The following SDK1 variants were observed in gnomAD, a reference collection of about 807,000 sequenced individuals.
SDK1 encodes the protein protein sidekick-1.
Under a neutral mutation model 245.5 loss-of-function variants are expected in SDK1, and 157 were observed. The observed-to-expected ratio is 0.64, with a 90% CI of 0.56 to 0.73. The LOEUF is 0.73. SDK1 is among the 30% of genes least tolerant of loss of function. The pLI, the probability that SDK1 is intolerant of heterozygous loss-of-function variation, is 0.00. For synonymous variants in SDK1, 1,647 were observed against 1,278.5 expected (o/e 1.29, Z -6.15); for missense variants, 3,583 against 3,002.3 (o/e 1.19, Z -4.52).
At chr7:3,752,831 A>G (rs1044041100) in intron 4 of SDK1, among the ~76,000 whole-genome samples, 6 of 152,192 alleles carry the variant, frequency 3.9e-5, no homozygotes, top group East Asian at 1.9e-4. Flanking sequence ...TTTTTTCTCT[A>G]TATAGTATAG....
Position 3,641,976 on chromosome 7 carries a change from A to G in SDK1, c.584A>G (p.Asp195Gly). Residue 195 changes from aspartate to glycine, a missense_variant, in exon 4 of 45, where the codon GAT becomes GGT. Physicochemically the swap from Asp to Gly is moderately conservative, Grantham distance 94. Transcript: ENST00000404826. Reference sequence around the variant, plus strand: ...TCTGCAGATATGGGAAGTTTCATGGATACGGACCAGAGGAAAACAGTTTCT... The same window carrying G: ...TCTGCAGATATGGGAAGTTTCATGGGTACGGACCAGAGGAAAACAGTTTCT... ...VQVAYMGSFM[D>G]TDQRKTVSQG... 1 of 1,613,852 alleles carries G rather than the reference A, an allele frequency of 6.2e-7. No homozygotes were observed. Among genetic ancestry groups the G allele is most frequent in the Non-Finnish European group, 8.5e-7 (1 of 1,179,884 alleles).
At chr7:3,732,211 T>TC (rs1779201014) in intron 4 of SDK1, among the ~76,000 whole-genome samples, 1 of 152,192 alleles carries the variant, frequency 6.6e-6, no homozygotes, top group African/African-American at 2.4e-5. Flanking sequence ...ATTGGTAAAC[T>TC]CCGACTATTT....
At chr7:4,143,629 C>T (rs1245699939) in intron 28 of SDK1, among the ~76,000 whole-genome samples, 1 of 152,192 alleles carries the variant, frequency 6.6e-6, no homozygotes, top group East Asian at 1.9e-4. Flanking sequence ...GGCCCGCTAG[C>T]TTCTATTGGA....
chr7:3,600,496 A>G (rs1258010360), intron 1 of SDK1, among the ~76,000 whole-genome samples: 1 of 151,108 alleles, frequency 6.6e-6, no homozygotes, highest in Non-Finnish European at 1.5e-5. Flanking sequence ...TTCATTACCA[A>G]GTTTACGGAA....
At chr7:3,592,763 C>G (rs1041269598) in intron 1 of SDK1, among the ~76,000 whole-genome samples, 6 of 152,166 alleles carry the variant, frequency 3.9e-5, no homozygotes, top group African/African-American at 1.4e-4. Context: ...TTTGCTCTAT[C>G]GTAGCTCCAG....
At chr7:4,217,572 GGAGCACCAC>G (rs1784903799) in intron 38 of SDK1, among the ~76,000 whole-genome samples, 1 of 129,228 alleles carries the variant, frequency 7.7e-6, no homozygotes, top group Non-Finnish European at 1.8e-5. Flanking sequence ...CACACCACCC[GGAGCACCAC>G]GCCACCCGGA....
chr7:3,303,064 C>T (rs1022663703), intron 1 of SDK1, among the ~76,000 whole-genome samples: 2 of 152,124 alleles, frequency 1.3e-5, no homozygotes. Context: ...TGCCCCTCCA[C>T]CCCCCTCCAG....
At chr7:3,830,995 C>G (rs1304573542) in intron 5 of SDK1, among the ~76,000 whole-genome samples, 1 of 152,154 alleles carries the variant, frequency 6.6e-6, no homozygotes, top group East Asian at 1.9e-4. Flanking sequence ...TCTTATCACT[C>G]TAGATGTATA....
intron 1 of SDK1, among the ~76,000 whole-genome samples, chr7:3,387,160 C>G (rs968824825): frequency 5.9e-5 from 9 of 152,162 alleles, no homozygotes; most frequent in South Asian, 2.1e-4. Flanking sequence ...ACTCATACCC[C>G]CAAGCTAGAC....
chr7:4,206,127 G>T (rs1243028432), intron 36 of SDK1, 133 bp downstream of exon 36: 1 of 634,852 alleles, frequency 1.6e-6, no homozygotes, highest in South Asian at 2.0e-5. Context: ...AAGCGTCGGA[G>T]CTTGGCTAGA....
chr7:4,065,694 G>GTTTTTTTTTT lies in SDK1; in HGVS notation c.2912-2118_2912-2109dup, dbSNP rs749991713. Among the ~76,000 whole-genome samples, 44 of 66,736 alleles carry GTTTTTTTTTT rather than the reference G, an allele frequency of 6.6e-4. 5 individuals are homozygous for GTTTTTTTTTT. The highest frequency in any genetic ancestry group is 1.9e-3 in the Admixed American group (7 of 3,704). The allele number at this position is 66,736 out of a possible 152,430, so 43.8% of individuals were successfully genotyped here. A position where few individuals can be genotyped will look rare whatever the true frequency, so the allele number is the denominator to read the frequency against. On this transcript the variant is annotated intron_variant, in intron 19 of 44. Transcript: ENST00000404826. ...AGTTTCACCCAGATGAGTGGTTGTT[G>GTTTTTTTTTT]TTTTTTTTTTTTTTTTTTTTTTTTT...
chr7:3,891,952 C>G (rs1781470430), intron 5 of SDK1, among the ~76,000 whole-genome samples: 1 of 152,138 alleles, frequency 6.6e-6, no homozygotes, highest in Admixed American at 6.5e-5. Context: ...CAAAGGCATT[C>G]TATAACACCA....
At chr7:3,990,663 G>C (rs747770517) in intron 14 of SDK1, among the ~76,000 whole-genome samples, 1 of 152,188 alleles carries the variant, frequency 6.6e-6, no homozygotes, top group Non-Finnish European at 1.5e-5. Context: ...TCAGGACTGT[G>C]TCTCCTTTGT....
In SDK1 at chr7:4,266,488, C is replaced by T. The variant is rs531636420; in HGVS notation, c.*1104C>T. 6.1e-6 allele frequency: 6 copies of T among 985,430 alleles called. No homozygotes were observed. The highest frequency in any genetic ancestry group is 5.2e-5 in the African/African-American group (3 of 57,362). 61.0% of individuals were successfully genotyped at this position (985,430 alleles called of 1,614,324 possible). A position where few individuals can be genotyped will look rare whatever the true frequency, so the allele number is the denominator to read the frequency against. Reference sequence around the variant, plus strand: ...TCTGCTGGCTGCTCGCAGCAGCCACCGCTTCTCCACCACTGGCGCTGCTGC... The same window carrying T: ...TCTGCTGGCTGCTCGCAGCAGCCACTGCTTCTCCACCACTGGCGCTGCTGC... On this transcript the variant is annotated 3_prime_UTR_variant, in exon 45 of 45. Coordinates refer to ENST00000404826, the MANE Select transcript of SDK1 (RefSeq NM_152744.4).
Position 4,217,395 on chromosome 7 carries a change from A to G in SDK1, c.5540-2714A>G, listed in dbSNP as rs867455476. ...AGCACCAGGCCACCCGGAGCACCAC[A>G]CCACCCGGAGCACCAGGCCACCCGG... On this transcript the variant is annotated intron_variant, in intron 38 of 44. Transcript: ENST00000404826. Among the ~76,000 whole-genome samples, 324 of 96,426 alleles carry G rather than the reference A, an allele frequency of 3.4e-3. 1 individual carries two copies. The highest frequency in any genetic ancestry group is 0.014 in the Middle Eastern group (2 of 146). 63.3% of individuals were successfully genotyped at this position (96,426 alleles called of 152,430 possible).
chr7:4,233,283 G>T lies in SDK1; in HGVS notation c.5856G>T (p.Lys1952Asn). 1 of 1,613,878 alleles carries T rather than the reference G, an allele frequency of 6.2e-7. No homozygotes were observed. The highest frequency in any genetic ancestry group is 1.1e-5 in the South Asian group (1 of 91,084). The change falls in exon 41 of 45, where the codon AAG (lysine) becomes AAT (asparagine). Residue 1952 changes from lysine to asparagine, a missense_variant. Lys to Asn is a moderately conservative substitution (Grantham distance 94, BLOSUM62 0). Transcript: ENST00000404826. The part of the protein sequence containing the change: ...SDEGLWDMFV[K>N]DIPRSATSYT... Reference sequence around the variant, plus strand: ...AAGGCTTATGGGACATGTTTGTGAAGGACATCCCGCGGAGCGCCACATCCT... The same window carrying T: ...AAGGCTTATGGGACATGTTTGTGAATGACATCCCGCGGAGCGCCACATCCT...
intron 4 of SDK1, among the ~76,000 whole-genome samples, chr7:3,725,776 T>C (rs1438865592): frequency 6.6e-6 from 1 of 152,232 alleles, no homozygotes; most frequent in Non-Finnish European, 1.5e-5. Context: ...AGTTGTACTG[T>C]CGTCTTCTCT....
intron 1 of SDK1, among the ~76,000 whole-genome samples, chr7:3,607,782 G>A (rs970929280): frequency 1.3e-5 from 2 of 152,212 alleles, no homozygotes; most frequent in African/African-American, 4.8e-5. Flanking sequence ...ATTTCATTCT[G>A]TGACAACATG....
intron 5 of SDK1, among the ~76,000 whole-genome samples, chr7:3,825,947 C>T (rs900578619): frequency 1.3e-5 from 2 of 152,204 alleles, no homozygotes; most frequent in Non-Finnish European, 2.9e-5. Flanking sequence ...CACAAATGAG[C>T]AATTTAGAAC....
Sources: gnomAD v4.1 joint callset for allele counts (sites outside exome capture counted in the v4.1 genomes callset) on GRCh38, gnomAD v4.1.1 for gene constraint, MANE v1.5 for transcripts, NCBI Gene and HGNC (gene_info 2026-07-23, HGNC 2026-07-21) for gene names.